ARID1A: variants seen among roughly 807,000 people sequenced by gnomAD.
The protein encoded by ARID1A is AT-rich interaction domain 1A, also known as AT-rich interactive domain-containing protein 1A.
Under a neutral mutation model 212.6 loss-of-function variants are expected in ARID1A, and 20 were observed. That is an observed-to-expected ratio of 0.09 (90% CI 0.07 to 0.14). The LOEUF is 0.14. Among genes scored for constraint, ARID1A ranks in the 10% least tolerant of loss-of-function variants. The probability of loss-of-function intolerance (pLI) is 1.00; values close to 1 mark genes in which losing one functional copy is unlikely to be tolerated. For missense variants in ARID1A, 2,587 were observed against 3,059.0 expected, an observed-to-expected ratio of 0.85 and a Z score of 3.64; for synonymous variants, 1,376 against 1,222.1, an observed-to-expected ratio of 1.13 and a Z score of -2.63.
In ARID1A at chr1:26,760,923, C is replaced by T. The variant is rs2124054696; in HGVS notation, c.1988C>T (p.Thr663Ile). 1 of 1,614,102 alleles carries T rather than the reference C, an allele frequency of 6.2e-7. No individual in the cohort carries two copies. Among genetic ancestry groups the T allele is most frequent in the East Asian group, 2.2e-5 (1 of 44,872 alleles). The change falls in exon 5 of 20, where the codon ACA becomes ATA. Residue 663 changes from threonine to isoleucine, a missense_variant. Physicochemically the swap from Thr to Ile is moderately conservative, Grantham distance 89. Coordinates refer to ENST00000324856, the MANE Select transcript of ARID1A (RefSeq NM_006015.6). The stretch of plus-strand genomic sequence containing the variant: ...GGAGCTCTGAGTCCTGGAGTGAGCA[C>T]ATCAGGGATTTCCAGCAGCCAAGGA... ...TEGALSPGVS[T>I]SGISSSQGEQ... is the part of the protein sequence containing the mutation.
intron 4 of ARID1A, among the ~76,000 whole-genome samples, chr1:26,740,520 G>A (rs983593377): frequency 2.0e-4 from 30 of 152,264 alleles, no homozygotes; most frequent in African/African-American, 7.2e-4. Flanking sequence ...GCAGGGATGG[G>A]GATGAGGTGC....
rs780567016 is a variant in ARID1A at position 26,775,177 on chromosome 1, G to A, written c.4950G>A (p.Gln1650=). The part of the protein sequence containing the change: ...TFPPGSVEAT[Q]PVLKQRRRLT... The stretch of plus-strand genomic sequence containing the variant: ...CACCTGGCTCTGTTGAAGCCACACA[G>A]CCTGTGTTGAAGCAGAGGAGGCGGC... The change falls in exon 18 of 20, where the codon CAG becomes CAA. Residue 1650 remains glutamine, a synonymous_variant. Coordinates refer to ENST00000324856, the MANE Select transcript of ARID1A (RefSeq NM_006015.6). The A allele has an allele frequency of 6.2e-6, 10 of 1,606,682 alleles. No individual in the cohort carries two copies. Among genetic ancestry groups the A allele is most frequent in the African/African-American group, 2.7e-5 (2 of 74,384 alleles).
chr1:26,747,061 C>A (rs569967684), intron 4 of ARID1A, among the ~76,000 whole-genome samples: 22 of 151,656 alleles, frequency 1.5e-4, no homozygotes, highest in African/African-American at 4.8e-4. Context: ...AACAAACAAA[C>A]AAAAAAAACA....
intron 19 of ARID1A, chr1:26,778,569 A>G (rs950365025): frequency 2.0e-5 from 3 of 153,776 alleles, no homozygotes; most frequent in Admixed American, 1.9e-4. Context: ...GAAGAGAGCC[A>G]TGAACATCTG....
intron 1 of ARID1A, among the ~76,000 whole-genome samples, chr1:26,704,532 A>C (rs886159286): frequency 6.6e-6 from 1 of 152,184 alleles, no homozygotes; most frequent in Admixed American, 6.5e-5. Flanking sequence ...GCACATATGC[A>C]GTCTGCCCAT....
intron 4 of ARID1A, among the ~76,000 whole-genome samples, chr1:26,759,822 A>T (rs189950428): frequency 6.6e-6 from 1 of 152,362 alleles, no homozygotes; most frequent in East Asian, 1.9e-4. Context: ...TTCAATTGGC[A>T]AACATTTGTT....
Position 26,697,505 on chromosome 1 carries a change from G to A in ARID1A, c.1102G>A (p.Gly368Ser), listed in dbSNP as rs2124745294. The A allele has an allele frequency of 7.1e-7, 1 of 1,406,256 alleles. No individual in the cohort carries two copies. Among genetic ancestry groups the A allele is most frequent in the African/African-American group, 1.5e-5 (1 of 66,202 alleles). 87.1% of individuals were successfully genotyped at this position (1,406,256 alleles called of 1,614,324 possible). A position where few individuals can be genotyped will look rare whatever the true frequency, so the allele number is the denominator to read the frequency against. ...HHAPMSPGSS[G>S]GGGQPLARTP... ...CGCGCCCATGAGCCCCGGGAGCAGC[G>A]GCGGCGGGGGGCAGCCGCTCGCCCG... The change falls in exon 1 of 20, where the codon GGC becomes AGC. Residue 368 changes from glycine (G) to serine (S), a missense_variant. Gly to Ser is a moderately conservative substitution (Grantham distance 56, BLOSUM62 0). Around this residue, in one of 11 missense-constraint regions of ARID1A, gnomAD observed 735 missense variants for 590.6 expected, o/e 1.24. Transcript: ENST00000324856.
At chr1:26,731,874 G>T (rs984681341) in intron 3 of ARID1A, among the ~76,000 whole-genome samples, 2 of 151,812 alleles carry the variant, frequency 1.3e-5, no homozygotes, top group Non-Finnish European at 2.9e-5. Flanking sequence ...AATGGGACTG[G>T]TTTTTTTATT....
chr1:26,778,969 T>C (rs1248429613), intron 19 of ARID1A, 54 bp from the exon 20 acceptor site: 3 of 1,480,598 alleles, frequency 2.0e-6, no homozygotes, highest in Non-Finnish European at 2.7e-6. Flanking sequence ...TCAATAATTC[T>C]GTTCTTAGGC....
At position 26,780,144 on chromosome 1, in the gene ARID1A, G is replaced by T. The variant is rs149918240; in HGVS notation, c.6246G>T (p.Leu2082=). 6.2e-7 allele frequency: 1 copy of T among 1,614,154 alleles called. No individual in the cohort carries two copies. The highest frequency in any genetic ancestry group is 1.6e-4 in the Middle Eastern group (1 of 6,062). The change falls in exon 20 of 20, where the codon CTG becomes CTT. Residue 2082 remains leucine, a synonymous_variant. Transcript: ENST00000324856. The surrounding 1 kb of genome is among the most constrained non-coding windows in gnomAD (Gnocchi z 7.2). The stretch of plus-strand genomic sequence containing the variant: ...CTCCATACCCCGAGAGCATTTGCCT[G>T]CCTGTCCTGGACGGACTCCTACACT... ...DLSPYPESIC[L]PVLDGLLHWA...
rs2124149038 is a variant in ARID1A, at chr1:26,780,331, G to A, written c.6433G>A (p.Glu2145Lys). ...ILATPPFSRLEKLYSTMVRFL... is the reference protein window; with the variant it reads ...ILATPPFSRLKKLYSTMVRFL... The stretch of plus-strand genomic sequence containing the variant: ...GGCCACACCCCCCTTCAGCCGCCTG[G>A]AGAAGTTGTATAGCACTATGGTGCG... Residue 2145 changes from glutamate (E) to lysine (K), a missense_variant, in exon 20 of 20, where the codon GAG becomes AAG. Glu to Lys is a moderately conservative substitution (Grantham distance 56). Transcript: ENST00000324856. The surrounding 1 kb of genome is among the most constrained non-coding windows in gnomAD (Gnocchi z 7.2). 1.2e-6 allele frequency: 2 copies of A among 1,614,232 alleles called. No individual in the cohort carries two copies. Among genetic ancestry groups the A allele is most frequent in the Non-Finnish European group, 1.7e-6 (2 of 1,180,028 alleles).
At position 26,775,274 on chromosome 1, in the gene ARID1A, A is replaced by G. The variant is rs536934723; in HGVS notation, c.4993+54A>G. ...TAATCTGCCCCTTTCCATCTTGTCC[A>G]TTGTTCCCTCCACCTTACTATTCTG... On this transcript the variant is annotated intron_variant, in intron 18 of 19. Coordinates refer to ENST00000324856, the MANE Select transcript of ARID1A (RefSeq NM_006015.6). 337 of 1,519,756 alleles carry G rather than the reference A, an allele frequency of 2.2e-4. 1 individual carries two copies. The highest frequency in any genetic ancestry group is 2.7e-4 in the Non-Finnish European group (312 of 1,136,892). The allele number at this position is 1,519,756 out of a possible 1,614,324, so 94.1% of individuals were successfully genotyped here.
intron 1 of ARID1A, among the ~76,000 whole-genome samples, chr1:26,698,428 C>G (rs987476614): frequency 2.6e-5 from 4 of 152,156 alleles, no homozygotes; most frequent in African/African-American, 9.7e-5. Flanking sequence ...GCCTTTTATT[C>G]CAGAGCTGAA....
chr1:26,696,418 C>G lies in ARID1A; in HGVS notation c.15C>G (p.Val5=). MAAQ[V]APAAASSLGN... ...CAGCGGGGATCATGGCCGCGCAGGTCGCCCCCGCCGCCGCCAGCAGCCTGG... is the reference window on the plus strand; with the variant it reads ...CAGCGGGGATCATGGCCGCGCAGGTGGCCCCCGCCGCCGCCAGCAGCCTGG... Residue 5 remains valine (V), a synonymous_variant, in exon 1 of 20, where the codon GTC becomes GTG. Transcript: ENST00000324856. 2 of 1,284,650 alleles carry G rather than the reference C, an allele frequency of 1.6e-6. No individual in the cohort carries two copies. The highest frequency in any genetic ancestry group is 2.0e-6 in the Non-Finnish European group (2 of 1,017,954). 79.6% of individuals were successfully genotyped at this position (1,284,650 alleles called of 1,614,324 possible). A position where few individuals can be genotyped will look rare whatever the true frequency, so the allele number is the denominator to read the frequency against.
intron 10 of ARID1A, among the ~76,000 whole-genome samples, chr1:26,767,450 A>T (rs1570608994): frequency 6.6e-6 from 1 of 152,144 alleles, no homozygotes. Context: ...AGGATTTGAT[A>T]CTCAGCCTGC....
intron 4 of ARID1A, among the ~76,000 whole-genome samples, chr1:26,747,684 CAAAAAA>C (rs36091006): frequency 8.0e-5 from 10 of 124,450 alleles, no homozygotes; most frequent in Non-Finnish European, 1.7e-4. Flanking sequence ...CCATCTCTAC[CAAAAAA>C]AAAAAAAAAA....
In ARID1A at chr1:26,751,267, CAG is replaced by C. The variant is rs199994777; in HGVS notation, c.1921-9588_1921-9587del. Among the ~76,000 whole-genome samples, 276 of 151,600 alleles carry C rather than the reference CAG, an allele frequency of 1.8e-3. 4 individuals carry two copies. In the East Asian group the frequency reaches 0.038, roughly 21 times the overall value. ...AAAACTCCGTCTAAAAAAAAAAGGA[CAG>C]GGGAACACATAGCATCACAGATTTG... is the stretch of plus-strand genomic sequence containing the variant. On this transcript the variant is annotated intron_variant, in intron 4 of 19. Transcript: ENST00000324856.
At chr1:26,739,693 C>T (rs138088390) in intron 4 of ARID1A, among the ~76,000 whole-genome samples, 4 of 152,262 alleles carry the variant, frequency 2.6e-5, no homozygotes, top group South Asian at 2.1e-4. Context: ...TCCTGGGTAA[C>T]GGAGCCCTTG....
At position 26,734,343 on chromosome 1, in the gene ARID1A, C is replaced by CTTT. The variant is rs55976597; in HGVS notation, c.1920+1568_1920+1570dup. On this transcript the variant is annotated intron_variant, in intron 4 of 19. Coordinates refer to ENST00000324856, the MANE Select transcript of ARID1A (RefSeq NM_006015.6). ...CTTTTGATAGATCTGTATTTGGCTT[C>CTTT]TTTTTTTTTTTTTTTTTTTGGTCCT... 4.0e-3 allele frequency among the ~76,000 whole-genome samples: 491 copies of CTTT among 121,408 alleles called. 1 individual carries two copies. The highest frequency in any genetic ancestry group is 0.016 in the Middle Eastern group (4 of 248). 79.6% of individuals were successfully genotyped at this position (121,408 alleles called of 152,430 possible).
Sources: gnomAD v4.1 joint callset for allele counts (sites outside exome capture counted in the v4.1 genomes callset) on GRCh38, gnomAD v4.1.1 for gene constraint, gnomAD v4.1.1 regional missense constraint, Gnocchi (gnomAD v3.1) non-coding constraint, MANE v1.5 for transcripts, NCBI Gene and HGNC (gene_info 2026-07-23, HGNC 2026-07-21) for gene names.